TNIK: variants seen among roughly 807,000 people sequenced by gnomAD.
TNIK encodes the protein TRAF2 and NCK interacting kinase.
A neutral mutation model predicts 191.3 loss-of-function variants in TNIK; 49 were observed. The ratio of observed to expected loss-of-function variants is 0.26; its 90% CI spans 0.20 to 0.32. The LOEUF (loss-of-function observed/expected upper bound fraction) is 0.32, where lower values mean the gene tolerates loss of function less well. TNIK is among the 10% of genes least tolerant of loss of function. TNIK has a pLI of 1.00. For missense variants in TNIK, 1,155 were observed against 1,702.3 expected, an observed-to-expected ratio of 0.68 and a Z score of 5.66; for synonymous variants, 594 against 600.9, an observed-to-expected ratio of 0.99 and a Z score of 0.17.
intron 26 of TNIK, among the ~76,000 whole-genome samples, chr3:171,083,375 G>A (rs1720930463): frequency 6.6e-6 from 1 of 152,092 alleles, no homozygotes; most frequent in African/African-American, 2.4e-5. Context: ...ACTCTTCCCC[G>A]CTAACATCTC....
chr3:171,271,405 T>C (rs1243203935), intron 2 of TNIK, among the ~76,000 whole-genome samples: 3 of 152,158 alleles, frequency 2.0e-5, no homozygotes, highest in Admixed American at 2.0e-4. Flanking sequence ...CTTTCAAACA[T>C]CATTTCCATG....
intron 12 of TNIK, among the ~76,000 whole-genome samples, chr3:171,147,479 C>A (rs1321213323): frequency 6.6e-6 from 1 of 152,158 alleles, no homozygotes; most frequent in Admixed American, 6.5e-5. Flanking sequence ...TCATTGCAAA[C>A]CAATGACTAT....
At chr3:171,241,607 T>C (rs1288123462) in intron 2 of TNIK, among the ~76,000 whole-genome samples, 1 of 152,226 alleles carries the variant, frequency 6.6e-6, no homozygotes, top group East Asian at 1.9e-4. Context: ...TCTGTAAATA[T>C]ATATGCTTTA....
At chr3:171,422,324 T>C (rs1381098649) in intron 1 of TNIK, among the ~76,000 whole-genome samples, 1 of 151,890 alleles carries the variant, frequency 6.6e-6, no homozygotes, top group Non-Finnish European at 1.5e-5. Context: ...AAATATAAAC[T>C]CCCTTACACA....
At chr3:171,359,869 G>A (rs879551494) in intron 2 of TNIK, among the ~76,000 whole-genome samples, 3 of 152,100 alleles carry the variant, frequency 2.0e-5, no homozygotes, top group Non-Finnish European at 4.4e-5. Flanking sequence ...AATCCTGGCG[G>A]GGTTTCATTT....
At chr3:171,456,887 C>G (rs777567994) in intron 1 of TNIK, among the ~76,000 whole-genome samples, 5 of 152,212 alleles carry the variant, frequency 3.3e-5, no homozygotes, top group Non-Finnish European at 5.9e-5. Flanking sequence ...AATGAGGAGT[C>G]AGGAAATCTA....
chr3:171,395,733 G>A (rs1006067168), intron 1 of TNIK, among the ~76,000 whole-genome samples: 2 of 152,066 alleles, frequency 1.3e-5, no homozygotes, highest in Non-Finnish European at 1.5e-5. Context: ...TGACATATGC[G>A]TGCAGTTCAA....
chr3:171,137,790 C>G (rs1241416974), intron 15 of TNIK, among the ~76,000 whole-genome samples: 5 of 152,110 alleles, frequency 3.3e-5, no homozygotes, highest in African/African-American at 1.2e-4. Flanking sequence ...CAACAGGGTC[C>G]AGGCATGGAC....
Position 171,298,613 on chromosome 3 carries a change from G to T in TNIK, c.124-70392C>A, listed in dbSNP as rs538684846. ...TATCATGGTGAACTGAGGGGGACAT[G>T]AGTTGCAGATGTTGTGGCTATAGGA... On this transcript the variant is annotated intron_variant, in intron 2 of 32. Transcript: ENST00000436636. Among the ~76,000 whole-genome samples, 57 of 152,292 alleles carry T rather than the reference G, an allele frequency of 3.7e-4. 1 individual carries two copies. In the Middle Eastern group the frequency reaches 0.01, roughly 27 times the overall value.
chr3:171,260,919 T>C (rs954618566), intron 2 of TNIK, among the ~76,000 whole-genome samples: 1 of 152,236 alleles, frequency 6.6e-6, no homozygotes, highest in Non-Finnish European at 1.5e-5. Flanking sequence ...TACCGAAATA[T>C]TGCAAATTTT....
At chr3:171,439,254 G>T (rs1319432258) in intron 1 of TNIK, among the ~76,000 whole-genome samples, 1 of 151,644 alleles carries the variant, frequency 6.6e-6, no homozygotes, top group Non-Finnish European at 1.5e-5. Flanking sequence ...TGAGGCAGGA[G>T]AATGGCATGA....
rs1717690686 is a variant in TNIK, at chr3:171,060,098, A to C, written c.*3783T>G. 6.6e-6 allele frequency among the ~76,000 whole-genome samples: 1 copy of C among 152,212 alleles called. No homozygotes were observed. Among genetic ancestry groups the C allele is most frequent in the Non-Finnish European group, 1.5e-5 (1 of 68,030 alleles). On this transcript the variant is annotated 3_prime_UTR_variant, in exon 33 of 33. Transcript: ENST00000436636. Reference sequence around the variant, plus strand: ...AAATGCAAGTGATGCCTGTTCAAGCAGACTTTCAAAGACAGCACACACTGT... The same window carrying C: ...AAATGCAAGTGATGCCTGTTCAAGCCGACTTTCAAAGACAGCACACACTGT...
intron 29 of TNIK, 48 bp from the exon 30 acceptor site, chr3:171,069,045 T>C: frequency 1.3e-6 from 2 of 1,563,028 alleles, no homozygotes; most frequent in Non-Finnish European, 1.7e-6. Context: ...AGAGGCATCT[T>C]AATTTTTTTC....
At chr3:171,085,286 G>T in intron 24 of TNIK, 57 bp from the exon 25 acceptor site, 1 of 1,471,518 alleles carries the variant, frequency 6.8e-7, no homozygotes, top group Non-Finnish European at 9.3e-7. Flanking sequence ...GAATAACAAT[G>T]CTAACAATAC....
At chr3:171,433,650 T>C (rs1725648624) in intron 1 of TNIK, among the ~76,000 whole-genome samples, 1 of 152,092 alleles carries the variant, frequency 6.6e-6, no homozygotes. Context: ...ATTAAAAAGC[T>C]ATTCTTATCT....
chr3:171,164,724 A>G (rs1734398545), intron 10 of TNIK, among the ~76,000 whole-genome samples: 1 of 152,234 alleles, frequency 6.6e-6, no homozygotes, highest in Non-Finnish European at 1.5e-5. Flanking sequence ...GCCCTAAAAT[A>G]TGCCCTTAAA....
chr3:171,282,652 G>A (rs773274665), intron 2 of TNIK, among the ~76,000 whole-genome samples: 12 of 152,000 alleles, frequency 7.9e-5, no homozygotes, highest in Non-Finnish European at 1.2e-4. Flanking sequence ...CCTCTTAATC[G>A]TATCTTAAAG....
chr3:171,351,345 A>C (rs557580240), intron 2 of TNIK, among the ~76,000 whole-genome samples: 2 of 151,288 alleles, frequency 1.3e-5, no homozygotes, highest in South Asian at 4.2e-4. Flanking sequence ...ACTATTCTCT[A>C]TCCTATCACT....
At chr3:171,139,040 GT>G (rs1730416886) in intron 14 of TNIK, among the ~76,000 whole-genome samples, 2 of 152,292 alleles carry the variant, frequency 1.3e-5, no homozygotes, top group African/African-American at 4.8e-5. Context: ...CTAATAGTCT[GT>G]AAATGAAATA....
Sources: gnomAD v4.1 joint callset for allele counts (sites outside exome capture counted in the v4.1 genomes callset) on GRCh38, gnomAD v4.1.1 for gene constraint, MANE v1.5 for transcripts, NCBI Gene and HGNC (gene_info 2026-07-23, HGNC 2026-07-21) for gene names.